HELZ: variants seen among roughly 807,000 people sequenced by gnomAD.
The protein encoded by HELZ is ATP-dependent RNA helicase with zinc finger domain.
In HELZ, 23 loss-of-function variants were observed where a neutral mutation model predicts 218.2. The ratio of observed to expected loss-of-function variants is 0.11; its 90% CI spans 0.08 to 0.15. The LOEUF is 0.15. HELZ is among the 10% of genes least tolerant of loss of function. HELZ has a pLI of 1.00. For missense variants in HELZ, 1,813 were observed against 2,353.7 expected (o/e 0.77, Z 4.75); for synonymous variants, 814 against 829.4 (o/e 0.98, Z 0.32).
intron 31 of HELZ, among the ~76,000 whole-genome samples, chr17:67,089,128 CA>C (rs2036480148): frequency 6.6e-6 from 1 of 152,142 alleles, no homozygotes; most frequent in Non-Finnish European, 1.5e-5. Flanking sequence ...TACTAAAGTA[CA>C]AAACTAACGT....
In HELZ at chr17:67,136,110, T is replaced by A. The variant is rs777752700; in HGVS notation, c.3042A>T (p.Gln1014His). The change falls in exon 23 of 33, where the codon CAA (glutamine) becomes CAT (histidine). Residue 1014 changes from glutamine (Q) to histidine (H), a missense_variant. Physicochemically the swap from Gln to His is conservative, Grantham distance 24 (BLOSUM62 0). This residue lies in a region of HELZ where 156 missense variants were observed against 274.4 expected (regional missense o/e 0.57). Coordinates refer to ENST00000358691, the MANE Select transcript of HELZ (RefSeq NM_014877.4). The stretch of plus-strand genomic sequence containing the variant: ...AGTCCTCTGTGGAATCTTCCAGAAG[T>A]TGCTCTTTCTTTTTAATTGGTGTCT... ...HKQTPIKKKE[Q>H]LLEDSTEDLD... is the part of the protein sequence containing the mutation. 4 of 1,613,836 alleles carry A rather than the reference T, an allele frequency of 2.5e-6. No homozygotes were observed. In the South Asian group the frequency reaches 3.3e-5, roughly 13 times the overall value.
chr17:67,130,339 T>C (rs1258566899), intron 23 of HELZ, among the ~76,000 whole-genome samples: 1 of 151,890 alleles, frequency 6.6e-6, no homozygotes, highest in Non-Finnish European at 1.5e-5. Context: ...GAAAAAAGAA[T>C]TTTAATAAAA....
intron 31 of HELZ, among the ~76,000 whole-genome samples, chr17:67,090,690 T>C (rs551583592): frequency 6.6e-6 from 1 of 152,288 alleles, no homozygotes; most frequent in South Asian, 2.1e-4. Context: ...TGCTCCCTTA[T>C]TACCATCCTT....
intron 31 of HELZ, among the ~76,000 whole-genome samples, chr17:67,089,690 GAGAGAGAGAGACAGAGAGAC>G (rs1163880416): frequency 5.7e-4 from 77 of 134,376 alleles, no homozygotes; most frequent in Non-Finnish European, 1.0e-3. Context: ...GAGAGAGAGA[GAGAGAGAGAGACAGAGAGAC>G]AGAGAGAGAG....
chr17:67,241,187 C>T (rs2041305443), intron 2 of HELZ, among the ~76,000 whole-genome samples: 1 of 152,210 alleles, frequency 6.6e-6, no homozygotes, highest in South Asian at 2.1e-4. Flanking sequence ...AATCCAATTA[C>T]ATCTGCATGT....
chr17:67,140,159 G>A (rs569605009), intron 21 of HELZ, among the ~76,000 whole-genome samples: 5 of 152,264 alleles, frequency 3.3e-5, no homozygotes, highest in South Asian at 4.1e-4. Flanking sequence ...ACTTGGTAGC[G>A]GCACCAGCTG....
At chr17:67,083,684 C>A (rs1374451211) in intron 32 of HELZ, among the ~76,000 whole-genome samples, 3 of 152,144 alleles carry the variant, frequency 2.0e-5, no homozygotes, top group Non-Finnish European at 4.4e-5. Flanking sequence ...AAATTTTCAA[C>A]CCATGCATTA....
intron 5 of HELZ, among the ~76,000 whole-genome samples, chr17:67,210,613 C>A (rs1168272363): frequency 6.6e-6 from 1 of 152,104 alleles, no homozygotes; most frequent in Admixed American, 6.6e-5. Context: ...TCTCCATTTA[C>A]CTCATTCATT....
intron 17 of HELZ, among the ~76,000 whole-genome samples, chr17:67,156,292 G>A (rs2038840968): frequency 6.6e-6 from 1 of 152,008 alleles, no homozygotes; most frequent in Non-Finnish European, 1.5e-5. Context: ...AATTTAACCT[G>A]TCACTTACAG....
intron 13 of HELZ, among the ~76,000 whole-genome samples, chr17:67,177,441 T>C (rs1288780316): frequency 1.3e-5 from 2 of 152,054 alleles, no homozygotes; most frequent in Non-Finnish European, 2.9e-5. Flanking sequence ...AAATAAAAGT[T>C]AATATATAAT....
At chr17:67,235,515 AAAAG>A (rs968144093) in intron 3 of HELZ, among the ~76,000 whole-genome samples, 1 of 151,804 alleles carries the variant, frequency 6.6e-6, no homozygotes. Flanking sequence ...AAAAAAAAAA[AAAAG>A]AGAGAGACAA....
At chr17:67,199,210 CTT>C (rs1156398239) in intron 7 of HELZ, among the ~76,000 whole-genome samples, 8 of 122,958 alleles carry the variant, frequency 6.5e-5, no homozygotes, top group African/African-American at 6.0e-5. Flanking sequence ...TTTGCCATTA[CTT>C]TTTTTTTTTT....
rs761674197 is a variant in HELZ, at chr17:67,190,383, T to C, written c.558-28A>G. On this transcript the variant is annotated intron_variant, in intron 9 of 32. Coordinates refer to ENST00000358691, the MANE Select transcript of HELZ (RefSeq NM_014877.4). The stretch of plus-strand genomic sequence containing the variant: ...AAGTAGAATAGGAAAGACTGTTTTA[T>C]CATATACTTTGTTGAACCATTTAAA... The C allele has an allele frequency of 1.0e-5, 16 of 1,535,572 alleles. No individual in the cohort carries two copies. In the African/African-American group the frequency reaches 1.8e-4, roughly 17 times the overall value.
chr17:67,244,151 G>GTT (rs1379713437), intron 1 of HELZ: 1 of 178,786 alleles, frequency 5.6e-6, no homozygotes, highest in Non-Finnish European at 8.2e-6. Context: ...ATTAATATGA[G>GTT]TTTAAGAGAG....
At chr17:67,111,381 A>G (rs2037275478) in intron 28 of HELZ, among the ~76,000 whole-genome samples, 1 of 152,302 alleles carries the variant, frequency 6.6e-6, no homozygotes, top group South Asian at 2.1e-4. Context: ...CACTCCATGC[A>G]TTACTTGGAG....
At chr17:67,174,083 A>C (rs975653695) in intron 13 of HELZ, among the ~76,000 whole-genome samples, 2 of 152,204 alleles carry the variant, frequency 1.3e-5, no homozygotes, top group African/African-American at 4.8e-5. Flanking sequence ...ATCTCAAAAG[A>C]AAAGCATTTT....
intron 31 of HELZ, among the ~76,000 whole-genome samples, chr17:67,103,131 T>C (rs2036981221): frequency 6.6e-6 from 1 of 152,046 alleles, no homozygotes; most frequent in African/African-American, 2.4e-5. Context: ...TCAGCAAAAA[T>C]GGCAGAGTGA....
At chr17:67,206,896 GT>G (rs1345624059) in intron 5 of HELZ, among the ~76,000 whole-genome samples, 1 of 149,224 alleles carries the variant, frequency 6.7e-6, no homozygotes, top group East Asian at 2.0e-4. Context: ...ACTATGCCGG[GT>G]TTTTTTGTTT....
At chr17:67,084,091 C>T (rs2036280084) in intron 32 of HELZ, among the ~76,000 whole-genome samples, 1 of 152,166 alleles carries the variant, frequency 6.6e-6, no homozygotes, top group African/African-American at 2.4e-5. Flanking sequence ...ATGTCTGATA[C>T]CACTACTACA....
Sources: gnomAD v4.1 joint callset for allele counts (sites outside exome capture counted in the v4.1 genomes callset) on GRCh38, gnomAD v4.1.1 for gene constraint, gnomAD v4.1.1 regional missense constraint, MANE v1.5 for transcripts, NCBI Gene and HGNC (gene_info 2026-07-23, HGNC 2026-07-21) for gene names.